Variants in MYO3B observed in about 807,000 individuals in gnomAD.
MYO3B encodes myosin-IIIb.
MYO3B carries 156 observed loss-of-function variants against 174.6 expected under a neutral mutation model. That is an observed-to-expected ratio of 0.89 (90% CI 0.78 to 1.02). MYO3B has a LOEUF of 1.02. Among genes scored for constraint, MYO3B ranks in the 50% least tolerant of loss-of-function variants. The pLI is 0.00. For missense variants in MYO3B, 1,632 were observed against 1,639.4 expected (o/e 1.00, Z 0.08); for synonymous variants, 563 against 569.1 (o/e 0.99, Z 0.15).
At chr2:170,596,715 G>C (rs557500045) in intron 32 of MYO3B, among the ~76,000 whole-genome samples, 1 of 152,322 alleles carries the variant, frequency 6.6e-6, no homozygotes, top group Non-Finnish European at 1.5e-5. Context: ...CCAGGGCCTA[G>C]AGAAGGCCCT....
At chr2:170,307,018 A>G (rs1387401172) in intron 7 of MYO3B, among the ~76,000 whole-genome samples, 1 of 152,052 alleles carries the variant, frequency 6.6e-6, no homozygotes, top group East Asian at 1.9e-4. Context: ...TTTTCCTTTT[A>G]TTTCAAAATC....
intron 7 of MYO3B, among the ~76,000 whole-genome samples, chr2:170,267,756 A>G (rs1038072430): frequency 1.3e-5 from 2 of 152,178 alleles, no homozygotes; most frequent in African/African-American, 4.8e-5. Context: ...ATCTGTGGTA[A>G]TATTTATTTT....
intron 24 of MYO3B, among the ~76,000 whole-genome samples, chr2:170,465,361 C>G (rs1044058600): frequency 2.6e-5 from 4 of 152,092 alleles, no homozygotes; most frequent in Non-Finnish European, 5.9e-5. Flanking sequence ...ATCCCAGACT[C>G]TTTTAAACAA....
At chr2:170,588,236 A>ACTT (rs1693608171) in intron 32 of MYO3B, among the ~76,000 whole-genome samples, 1 of 152,110 alleles carries the variant, frequency 6.6e-6, no homozygotes. Flanking sequence ...ACTTCAAGAC[A>ACTT]GCCTGGGCAA....
chr2:170,435,172 T>C (rs2094743613), intron 22 of MYO3B, among the ~76,000 whole-genome samples: 1 of 152,188 alleles, frequency 6.6e-6, no homozygotes, highest in Admixed American at 6.5e-5. Context: ...CCACCACCTC[T>C]CAAAGCTTTG....
chr2:170,408,877 C>T (rs2094527971), intron 22 of MYO3B, among the ~76,000 whole-genome samples: 1 of 152,138 alleles, frequency 6.6e-6, no homozygotes, highest in Admixed American at 6.5e-5. Context: ...CAGTGCCCAT[C>T]AGAAGGCTGC....
intron 32 of MYO3B, among the ~76,000 whole-genome samples, chr2:170,599,884 A>T (rs1299789507): frequency 2.0e-5 from 3 of 152,176 alleles, no homozygotes; most frequent in African/African-American, 7.2e-5. Flanking sequence ...ATCATTTTTT[A>T]AATTTTTTAA....
chr2:170,354,868 C>T (rs2094108001), intron 8 of MYO3B, among the ~76,000 whole-genome samples: 1 of 151,124 alleles, frequency 6.6e-6, no homozygotes, highest in East Asian at 1.9e-4. Flanking sequence ...TGTCTTTATT[C>T]ATTCCCTTTC....
At chr2:170,651,014 G>C (rs1256826281) in intron 32 of MYO3B, among the ~76,000 whole-genome samples, 2 of 152,112 alleles carry the variant, frequency 1.3e-5, no homozygotes, top group Non-Finnish European at 1.5e-5. Context: ...CTTGGTCCAG[G>C]GTTCTGAAAT....
chr2:170,627,280 T>A (rs540198392), intron 32 of MYO3B, among the ~76,000 whole-genome samples: 178 of 152,338 alleles, frequency 1.2e-3, no homozygotes, highest in Admixed American at 1.1e-3. Flanking sequence ...AAACTTCTCT[T>A]CTCACTTCAT....
chr2:170,488,965 T>C (rs1686254643), intron 25 of MYO3B, among the ~76,000 whole-genome samples: 2 of 152,202 alleles, frequency 1.3e-5, no homozygotes, highest in Admixed American at 6.5e-5. Context: ...ATCAACACTT[T>C]AAGTCAAAAG....
chr2:170,647,027 T>G, intron 32 of MYO3B: 1 of 725,140 alleles, frequency 1.4e-6, no homozygotes, highest in South Asian at 1.6e-5. Flanking sequence ...ACGTTTTACT[T>G]TAATATAATT....
chr2:170,252,977 G>T (rs1437160768), intron 7 of MYO3B, among the ~76,000 whole-genome samples: 2 of 152,196 alleles, frequency 1.3e-5, no homozygotes, highest in Non-Finnish European at 2.9e-5. Flanking sequence ...GACAGATCAT[G>T]TAGTGCCTTA....
intron 32 of MYO3B, among the ~76,000 whole-genome samples, chr2:170,626,422 C>A (rs1035275025): frequency 6.6e-6 from 1 of 152,136 alleles, no homozygotes; most frequent in Non-Finnish European, 1.5e-5. Flanking sequence ...GTCTCCATCC[C>A]TTTATTTTGA....
chr2:170,352,173 G>A (rs1250657558), intron 8 of MYO3B, among the ~76,000 whole-genome samples: 1 of 152,058 alleles, frequency 6.6e-6, no homozygotes, highest in Non-Finnish European at 1.5e-5. Context: ...GACTGGTCTC[G>A]AACTCCTGAC....
intron 8 of MYO3B, among the ~76,000 whole-genome samples, chr2:170,357,874 T>TG (rs2094134098): frequency 6.6e-6 from 1 of 152,080 alleles, no homozygotes; most frequent in Non-Finnish European, 1.5e-5. Context: ...AACAACCAGC[T>TG]GGGCGCAGTG....
In MYO3B at chr2:170,554,599, C is replaced by G. The variant is rs184097124; in HGVS notation, c.3733+10611C>G. ...TTCTCATTCCTGCGACTCATTAAAG[C>G]ACATTACAGAATTGAACAGTTTTTG... On this transcript the variant is annotated intron_variant, in intron 32 of 34. Coordinates refer to ENST00000408978, the MANE Select transcript of MYO3B (RefSeq NM_138995.5). 2.5e-4 allele frequency among the ~76,000 whole-genome samples: 38 copies of G among 152,336 alleles called. No individual in the cohort carries two copies. The East Asian group carries it at 7.3e-3, about 29-fold the overall frequency.
intron 34 of MYO3B, among the ~76,000 whole-genome samples, 172 bp downstream of exon 34, chr2:170,652,326 A>T (rs2105510559): frequency 6.6e-6 from 1 of 152,342 alleles, no homozygotes; most frequent in African/African-American, 2.4e-5. Flanking sequence ...ACAAAACTTG[A>T]ATCTATTCTG....
intron 21 of MYO3B, among the ~76,000 whole-genome samples, chr2:170,407,209 C>A (rs988740494): frequency 6.6e-6 from 1 of 152,094 alleles, no homozygotes; most frequent in Admixed American, 6.6e-5. Context: ...CACCTGTAAT[C>A]CCAGCACTTT....
Sources: gnomAD v4.1 joint callset for allele counts (sites outside exome capture counted in the v4.1 genomes callset) on GRCh38, gnomAD v4.1.1 for gene constraint, MANE v1.5 for transcripts, NCBI Gene and HGNC (gene_info 2026-07-23, HGNC 2026-07-21) for gene names.